Variants in GABRG1 observed in about 807,000 individuals in gnomAD.
GABRG1 encodes the protein gamma-aminobutyric acid receptor subunit gamma-1.
A neutral mutation model predicts 49.8 loss-of-function variants in GABRG1; 49 were observed. The ratio of observed to expected loss-of-function variants is 0.98; its 90% confidence interval spans 0.78 to 1.25. The LOEUF is 1.25. Ranked by LOEUF, GABRG1 falls within the 50% of genes most tolerant of loss-of-function variation. The pLI is 0.00. For synonymous variants in GABRG1, 232 were observed against 185.1 expected (o/e 1.25, Z -2.06); for missense variants, 552 against 552.3 (o/e 1.00, Z 0.01).
chr4:46,060,994 A>G (rs2109404815), intron 5 of GABRG1, among the ~76,000 whole-genome samples: 1 of 152,226 alleles, frequency 6.6e-6, no homozygotes, highest in East Asian at 1.9e-4. Context: ...ACCCATGTAG[A>G]GTGCCTGAAA....
intron 3 of GABRG1, among the ~76,000 whole-genome samples, chr4:46,066,147 T>G (rs1397233792): frequency 6.6e-6 from 1 of 152,196 alleles, no homozygotes; most frequent in African/African-American, 2.4e-5. Context: ...GATTTTGTAG[T>G]ATGTAGGATG....
chr4:46,066,607 G>A (rs1168381523), intron 3 of GABRG1, among the ~76,000 whole-genome samples: 1 of 152,080 alleles, frequency 6.6e-6, no homozygotes, highest in Non-Finnish European at 1.5e-5. Context: ...ATATAATGGT[G>A]GTTATAGTGA....
At chr4:46,088,766 C>CACA (rs764843494) in intron 2 of GABRG1, among the ~76,000 whole-genome samples, 1 of 145,924 alleles carries the variant, frequency 6.9e-6, no homozygotes, top group African/African-American at 2.6e-5. Context: ...CACACACACA[C>CACA]CCCATATATC....
rs758610788 is a variant in GABRG1, at chr4:46,039,142, C to T, written c.*1846G>A. 6.6e-6 allele frequency: 1 copy of T among 151,334 alleles called. No individual in the cohort carries two copies. The highest frequency in any genetic ancestry group is 1.5e-5 in the Non-Finnish European group (1 of 67,620). 9.4% of individuals were successfully genotyped at this position (151,334 alleles called of 1,614,324 possible). A position where few individuals can be genotyped will look rare whatever the true frequency, so the allele number is the denominator to read the frequency against. ...TTTTTTATTTATCCTTAAATGAATG[C>T]TCACTTTCAAAACATCCATCAGTAC... On this transcript the variant is annotated 3_prime_UTR_variant, in exon 9 of 9. Transcript: ENST00000295452.
chr4:46,056,495 C>A (rs561921745), intron 7 of GABRG1, among the ~76,000 whole-genome samples: 14 of 152,164 alleles, frequency 9.2e-5, no homozygotes, highest in Middle Eastern at 3.4e-3. Flanking sequence ...TATAAAATAG[C>A]AAATATCATA....
chr4:46,049,772 G>C (rs1718142532), intron 8 of GABRG1, among the ~76,000 whole-genome samples: 1 of 152,038 alleles, frequency 6.6e-6, no homozygotes, highest in Admixed American at 6.6e-5. Context: ...TCTTGAGTAA[G>C]TGTGCCATTG....
At chr4:46,060,897 T>C (rs1165961798) in intron 5 of GABRG1, among the ~76,000 whole-genome samples, 2 of 152,142 alleles carry the variant, frequency 1.3e-5, no homozygotes, top group Admixed American at 6.6e-5. Flanking sequence ...TCTCATGATA[T>C]TAATTTTTAA....
chr4:46,098,019 T>C (rs946987280), intron 1 of GABRG1, among the ~76,000 whole-genome samples: 2 of 151,712 alleles, frequency 1.3e-5, no homozygotes, highest in Non-Finnish European at 2.9e-5. Context: ...CTAGAAGTGA[T>C]ATTGGGGAGA....
At chr4:46,070,162 A>G (rs544143808) in intron 3 of GABRG1, among the ~76,000 whole-genome samples, 3 of 152,120 alleles carry the variant, frequency 2.0e-5, no homozygotes, top group Admixed American at 2.0e-4. Context: ...ACCAATTTCC[A>G]ATGATTGACC....
intron 2 of GABRG1, among the ~76,000 whole-genome samples, chr4:46,085,861 A>C (rs1203085313): frequency 6.6e-6 from 1 of 151,562 alleles, no homozygotes; most frequent in Non-Finnish European, 1.5e-5. Context: ...GCAAGATATG[A>C]GTGATGTTCA....
intron 8 of GABRG1, among the ~76,000 whole-genome samples, chr4:46,048,412 AAGGAAGGAAGG>A (rs1293113955): frequency 6.2e-5 from 9 of 144,796 alleles, no homozygotes; most frequent in African/African-American, 2.5e-4. Context: ...GGAAGGAAGG[AAGGAAGGAAGG>A]TTCTTCCAAG....
In GABRG1 at chr4:46,065,423, T is replaced by C; in HGVS notation, c.483A>G (p.Ile161Met). The change falls in exon 4 of 9, where the codon ATA (isoleucine) becomes ATG (methionine). Residue 161 changes from isoleucine (I) to methionine (M), a missense_variant. Transcript: ENST00000295452. The stretch of plus-strand genomic sequence containing the variant: ...TTCGAAGCAGACGATTAGGAGTTGT[T>C]ATCCAGTGAGCATCAGATTTTCTTG... ...RNSRKSDAHWITTPNRLLRIW... is the reference protein window; with the variant it reads ...RNSRKSDAHWMTTPNRLLRIW... 1 of 1,613,784 alleles carries C rather than the reference T, an allele frequency of 6.2e-7. No individual in the cohort carries two copies. Among genetic ancestry groups the C allele is most frequent in the Non-Finnish European group, 8.5e-7 (1 of 1,179,840 alleles).
chr4:46,057,542 A>C (rs1718499792), intron 7 of GABRG1, among the ~76,000 whole-genome samples: 1 of 152,052 alleles, frequency 6.6e-6, no homozygotes, highest in Admixed American at 6.6e-5. Context: ...GTAATTAGTC[A>C]CTTATTTTGT....
Position 46,091,164 on chromosome 4 carries a change from G to A in GABRG1, c.253+6037C>T, listed in dbSNP as rs150955402. Among the ~76,000 whole-genome samples the A allele has an allele frequency of 2.9e-3, 446 of 152,116 alleles. 3 individuals carry two copies. Among genetic ancestry groups the A allele is most frequent in the African/African-American group, 0.01 (422 of 41,510 alleles). Reference sequence around the variant, plus strand: ...GATGTCTGACTAACAAAGGAGAGAGGATCCTGGTACAAACCTCAGGCTGTC... The same window carrying A: ...GATGTCTGACTAACAAAGGAGAGAGAATCCTGGTACAAACCTCAGGCTGTC... On this transcript the variant is annotated intron_variant, in intron 2 of 8. Transcript: ENST00000295452.
chr4:46,102,112 A>T (rs766431408), intron 1 of GABRG1, among the ~76,000 whole-genome samples: 2 of 151,682 alleles, frequency 1.3e-5, no homozygotes, highest in Non-Finnish European at 3.0e-5. Flanking sequence ...ATAAATTTCT[A>T]ATTATAAAAT....
chr4:46,122,601 A>G (rs1056812666), intron 1 of GABRG1, among the ~76,000 whole-genome samples: 3 of 152,074 alleles, frequency 2.0e-5, no homozygotes, highest in African/African-American at 7.2e-5. Context: ...TAACAGGTCT[A>G]ATATTACTTA....
At chr4:46,056,818 C>T (rs937512059) in intron 7 of GABRG1, among the ~76,000 whole-genome samples, 3 of 151,980 alleles carry the variant, frequency 2.0e-5, no homozygotes, top group Admixed American at 6.6e-5. Flanking sequence ...ATCTTAGGGT[C>T]CACAATTACA....
At chr4:46,090,461 A>G (rs935276473) in intron 2 of GABRG1, among the ~76,000 whole-genome samples, 4 of 152,038 alleles carry the variant, frequency 2.6e-5, no homozygotes, top group African/African-American at 9.7e-5. Context: ...CCTAGTTTAT[A>G]TTTTAAGCAT....
At chr4:46,071,454 A>AATGT (rs1168273931) in intron 3 of GABRG1, among the ~76,000 whole-genome samples, 1 of 145,656 alleles carries the variant, frequency 6.9e-6, no homozygotes, top group African/African-American at 2.7e-5. Flanking sequence ...AATATATTAT[A>AATGT]ATGTAATGTA....
Sources: allele counts gnomAD v4.1 joint callset (sites outside exome capture counted in the v4.1 genomes callset), GRCh38; gene constraint gnomAD v4.1.1; transcripts MANE v1.5; gene names NCBI Gene and HGNC (gene_info 2026-07-23, HGNC 2026-07-21).